The following SEC14L3 variants were observed in gnomAD, a reference collection of about 807,000 sequenced individuals.
SEC14L3 encodes SEC14 like lipid binding 3.
A neutral mutation model predicts 57.4 loss-of-function variants in SEC14L3; 56 were observed. The observed-to-expected ratio is 0.97, with a 90% CI of 0.79 to 1.22. SEC14L3 has a LOEUF of 1.22. Ranked by LOEUF, SEC14L3 falls within the 50% of genes most tolerant of loss-of-function variation. The pLI, the probability that SEC14L3 is intolerant of heterozygous loss-of-function variation, is 0.00. For synonymous variants in SEC14L3, 173 were observed against 194.4 expected, an observed-to-expected ratio of 0.89 and a Z score of 0.92; for missense variants, 485 against 511.7, an observed-to-expected ratio of 0.95 and a Z score of 0.50.
At chr22:30,460,906 T>C (rs12165950) in intron 11 of SEC14L3, among the ~76,000 whole-genome samples, 3,709 of 151,728 alleles carry the variant, frequency 0.024, 140 homozygotes, top group African/African-American at 0.083. Context: ...CCAAGGGTCC[T>C]TCCCAGATTG....
Position 30,470,520 on chromosome 22 carries a change from TAGA to T in SEC14L3, c.114_116del (p.Leu39del), listed in dbSNP as rs1269123714. 1.2e-6 allele frequency: 2 copies of T among 1,614,082 alleles called. No individual in the cohort carries two copies. The highest frequency in any genetic ancestry group is 1.7e-6 in the Non-Finnish European group (2 of 1,180,014). ...CTCTGCCCTCACCTCGGAGCCAGCG[TAGA>T]AGGAAATAATCATCAGGGTTGGGCA... On this transcript the variant is annotated inframe_deletion, in exon 2 of 12. Coordinates refer to ENST00000215812, the MANE Select transcript of SEC14L3 (RefSeq NM_174975.5).
intron 11 of SEC14L3, 98 bp from the exon 12 acceptor site, chr22:30,460,240 C>T: frequency 2.0e-6 from 3 of 1,523,400 alleles, no homozygotes; most frequent in Non-Finnish European, 1.8e-6. Flanking sequence ...TTCCCACTGG[C>T]TTTGTTTGCC....
At chr22:30,464,575 T>G (rs1022947218) in intron 8 of SEC14L3, among the ~76,000 whole-genome samples, 70 of 152,208 alleles carry the variant, frequency 4.6e-4, no homozygotes, top group African/African-American at 1.6e-3. Context: ...GAATTACAGG[T>G]GTGCACCACC....
chr22:30,454,511 A>AATATTATTAGATATAATCT (rs1935044593), downstream of SEC14L3, among the ~76,000 whole-genome samples: 1 of 133,704 alleles, frequency 7.5e-6, no homozygotes, highest in Non-Finnish European at 1.6e-5. Flanking sequence ...TATAATCTAT[A>AATATTATTAGATATAATCT]ATAATATTAT....
downstream of SEC14L3, among the ~76,000 whole-genome samples, chr22:30,454,275 C>G (rs982784277): frequency 2.0e-5 from 3 of 151,968 alleles, no homozygotes; most frequent in African/African-American, 7.3e-5. Flanking sequence ...AGCCATCCTG[C>G]CCTCTCTGCA....
At chr22:30,455,241 T>TA (rs1935101058), downstream of SEC14L3, among the ~76,000 whole-genome samples, 1 of 128,498 alleles carries the variant, frequency 7.8e-6, no homozygotes, top group South Asian at 2.2e-4. Context: ...TAATATTTAA[T>TA]ATATTATATA....
downstream of SEC14L3, among the ~76,000 whole-genome samples, chr22:30,454,808 TATTTTATA>T (rs1935065766): frequency 6.3e-5 from 3 of 47,954 alleles, 1 homozygote; most frequent in African/African-American, 3.8e-4. Context: ...GTATATTATA[TATTTTATA>T]TATTATAATA....
chr22:30,456,389 C>T (rs1935121513), downstream of SEC14L3, among the ~76,000 whole-genome samples: 1 of 151,586 alleles, frequency 6.6e-6, no homozygotes, highest in Non-Finnish European at 1.5e-5. Flanking sequence ...TTACTTGGCT[C>T]ATTGTTCTGC....
intron 12 of SEC14L3, among the ~76,000 whole-genome samples, chr22:30,453,487 A>T (rs1159407267): frequency 1.3e-5 from 2 of 152,110 alleles, no homozygotes; most frequent in African/African-American, 4.8e-5. Context: ...ATCTCAGCTC[A>T]CTGCAACCTC....
rs1172652419 is a variant in SEC14L3, at chr22:30,459,945, T to G, written c.*76A>C. On this transcript the variant is annotated 3_prime_UTR_variant, in exon 12 of 12. Transcript: ENST00000215812. ...GAGTCAGGAGGACTAACAATCAATTTCAGGGAGGGAGGGAGTGTAGGATAT... is the reference window on the plus strand; with the variant it reads ...GAGTCAGGAGGACTAACAATCAATTGCAGGGAGGGAGGGAGTGTAGGATAT... The G allele has an allele frequency of 2.6e-6, 4 of 1,555,082 alleles. No individual in the cohort carries two copies. Among genetic ancestry groups the G allele is most frequent in the Non-Finnish European group, 3.5e-6 (4 of 1,147,184 alleles).
chr22:30,460,899 A>G lies in SEC14L3; in HGVS notation c.1081+411T>C, dbSNP rs1038705935. Among the ~76,000 whole-genome samples the G allele has an allele frequency of 5.9e-5, 9 of 151,924 alleles. No individual in the cohort carries two copies. In the East Asian group the frequency reaches 1.7e-3, roughly 29 times the overall value. ...TCCTGGCTCACAGGTGAGCAAACCA[A>G]GGGTCCTTCCCAGATTGGTCAGACT... On this transcript the variant is annotated intron_variant, in intron 11 of 11. Transcript: ENST00000215812.
chr22:30,463,726 A>G (rs571753673), intron 8 of SEC14L3, among the ~76,000 whole-genome samples: 2 of 152,320 alleles, frequency 1.3e-5, no homozygotes, highest in East Asian at 3.9e-4. Flanking sequence ...CCTCCAAGCC[A>G]GGGTCATTGG....
intron 3 of SEC14L3, 31 bp downstream of exon 3, chr22:30,470,181 T>G (rs756892668): frequency 1.2e-6 from 2 of 1,613,886 alleles, no homozygotes; most frequent in Non-Finnish European, 1.7e-6. Flanking sequence ...ACAAATCCCC[T>G]CCATAAATTT....
At chr22:30,470,419 C>G in intron 2 of SEC14L3, 88 bp downstream of exon 2, 1 of 1,605,004 alleles carries the variant, frequency 6.2e-7, no homozygotes, top group Non-Finnish European at 8.5e-7. Context: ...GTGGATGGAC[C>G]CTGAGAGCCA....
At chr22:30,461,798 C>G in intron 9 of SEC14L3, 104 bp from the exon 10 acceptor site, 1 of 1,456,796 alleles carries the variant, frequency 6.9e-7, no homozygotes, top group Non-Finnish European at 9.3e-7. Context: ...TCCTCTTCAT[C>G]CTAGCCCCAC....
chr22:30,461,655 G>A lies in SEC14L3; in HGVS notation c.811C>T (p.Arg271Trp), dbSNP rs373171331. 1.7e-4 allele frequency: 272 copies of A among 1,612,790 alleles called. 1 individual carries two copies. The highest frequency in any genetic ancestry group is 1.4e-3 in the South Asian group (127 of 90,922). The stretch of plus-strand genomic sequence containing the variant: ...TCGTACTGAGTCTTCACCTGGTCCC[G>A]CACGTACATGGACTTGGGGATCTCC... Reference protein sequence around the residue: ...GGEIPKSMYVRDQVKTQYEHS... With the variant: ...GGEIPKSMYVWDQVKTQYEHS... Residue 271 changes from arginine (R) to tryptophan (W), a missense_variant, in exon 10 of 12, where the codon CGG (arginine) becomes TGG (tryptophan). Transcript: ENST00000215812.
downstream of SEC14L3, among the ~76,000 whole-genome samples, chr22:30,454,778 A>C (rs1397858233): frequency 1.3e-5 from 1 of 77,140 alleles, no homozygotes; most frequent in African/African-American, 5.6e-5. Flanking sequence ...ATAATATATT[A>C]TTATATATTA....
At chr22:30,455,220 A>G (rs1462143766), downstream of SEC14L3, among the ~76,000 whole-genome samples, 1 of 123,830 alleles carries the variant, frequency 8.1e-6, no homozygotes, top group Admixed American at 1.1e-4. Context: ...AATATTAAAT[A>G]ATATAATATA....
chr22:30,465,002 A>T (rs1024901093), intron 7 of SEC14L3, 99 bp from the exon 8 acceptor site: 86 of 1,554,172 alleles, frequency 5.5e-5, no homozygotes, highest in Non-Finnish European at 7.4e-5. Flanking sequence ...GTCATGACTA[A>T]CCCTGGTCAA....
Sources: allele counts gnomAD v4.1 joint callset (sites outside exome capture counted in the v4.1 genomes callset), GRCh38; gene constraint gnomAD v4.1.1; transcripts MANE v1.5; gene names NCBI Gene and HGNC (gene_info 2026-07-23, HGNC 2026-07-21).